The following CHODL variants were observed in gnomAD, a reference collection of about 807,000 sequenced individuals.
The protein encoded by CHODL is chondrolectin, also known as transmembrane protein MT75.
In CHODL, 29 loss-of-function variants were observed where a neutral mutation model predicts 34.5. The ratio of observed to expected loss-of-function variants is 0.84; its 90% CI spans 0.63 to 1.15. The LOEUF is 1.15. CHODL is among the 50% of genes most tolerant of loss of function. CHODL has a pLI of 0.00. For synonymous variants in CHODL, 125 were observed against 116.1 expected, an observed-to-expected ratio of 1.08 and a Z score of -0.49; for missense variants, 332 against 332.5, an observed-to-expected ratio of 1.00 and a Z score of 0.01.
At chr21:18,177,703 C>G (rs1170905569) in intron 2 of CHODL, among the ~76,000 whole-genome samples, 5 of 152,064 alleles carry the variant, frequency 3.3e-5, no homozygotes, top group Non-Finnish European at 5.9e-5. Context: ...AACTAATTAT[C>G]AAAATTTTGT....
chr21:18,218,159 C>G (rs1178671935), intron 2 of CHODL, among the ~76,000 whole-genome samples: 1 of 152,236 alleles, frequency 6.6e-6, no homozygotes, highest in African/African-American at 2.4e-5. Context: ...AGTGGGGACT[C>G]TGTATGGGGG....
At chr21:18,185,411 C>G (rs1805951886) in intron 2 of CHODL, among the ~76,000 whole-genome samples, 1 of 152,102 alleles carries the variant, frequency 6.6e-6, no homozygotes, top group Non-Finnish European at 1.5e-5. Context: ...TTTTCTTTAT[C>G]CAGCCTATCA....
chr21:18,242,392 A>T (rs549360446), upstream of CHODL, among the ~76,000 whole-genome samples: 1 of 152,200 alleles, frequency 6.6e-6, no homozygotes, highest in African/African-American at 2.4e-5. Context: ...TTGTTGAAAA[A>T]TTTTAATTCA....
chr21:18,264,713 G>C (rs1196139073), intron 5 of CHODL, among the ~76,000 whole-genome samples: 1 of 151,882 alleles, frequency 6.6e-6, no homozygotes, highest in Non-Finnish European at 1.5e-5. Flanking sequence ...ACAGAAGATA[G>C]CAGAACCCTA....
chr21:18,257,632 GC>G (rs1322609146), intron 3 of CHODL, among the ~76,000 whole-genome samples: 1 of 152,082 alleles, frequency 6.6e-6, no homozygotes, highest in African/African-American at 2.4e-5. Context: ...ATAGCTCATT[GC>G]CCCATAGTGG....
chr21:17,927,301 C>T (rs946549909), intron 1 of CHODL, among the ~76,000 whole-genome samples: 9 of 151,700 alleles, frequency 5.9e-5, no homozygotes, highest in Admixed American at 5.3e-4. Flanking sequence ...CCTGCCCACA[C>T]GTATAGAATG....
At chr21:18,230,137 C>A (rs942065360) in intron 2 of CHODL, among the ~76,000 whole-genome samples, 22 of 152,052 alleles carry the variant, frequency 1.4e-4, no homozygotes, top group Non-Finnish European at 2.9e-4. Context: ...AAACTGTTAC[C>A]GTTAAAATGG....
At chr21:18,124,059 CT>C (rs2065513015) in intron 2 of CHODL, among the ~76,000 whole-genome samples, 2 of 152,054 alleles carry the variant, frequency 1.3e-5, no homozygotes, top group South Asian at 4.2e-4. Flanking sequence ...TGGCAGGCGC[CT>C]TAATTCCAGC....
At chr21:18,099,453 T>C (rs965319537) in intron 2 of CHODL, among the ~76,000 whole-genome samples, 3 of 151,530 alleles carry the variant, frequency 2.0e-5, no homozygotes, top group Non-Finnish European at 4.4e-5. Context: ...AGGAATATAG[T>C]TTATATTTTC....
intron 2 of CHODL, among the ~76,000 whole-genome samples, chr21:18,132,623 T>C (rs753520138): frequency 1.3e-5 from 2 of 152,158 alleles, no homozygotes; most frequent in African/African-American, 2.4e-5. Context: ...CAGAAGAGAA[T>C]TGCTGTTACA....
chr21:17,963,721 A>G (rs1171978397), intron 1 of CHODL, among the ~76,000 whole-genome samples: 1 of 152,068 alleles, frequency 6.6e-6, no homozygotes, highest in Non-Finnish European at 1.5e-5. Flanking sequence ...TGACAAGAAA[A>G]CAACCTTTTT....
intron 1 of CHODL, among the ~76,000 whole-genome samples, chr21:17,963,399 AAG>A (rs2063547802): frequency 6.6e-6 from 1 of 152,246 alleles, no homozygotes; most frequent in African/African-American, 2.4e-5. Context: ...TATAAAGAAA[AAG>A]AGGTTTAATA....
chr21:18,114,025 G>C (rs1410079872), intron 2 of CHODL, among the ~76,000 whole-genome samples: 2 of 152,170 alleles, frequency 1.3e-5, no homozygotes, highest in Admixed American at 6.5e-5. Flanking sequence ...TATGTTAAGT[G>C]AAATAAGCCA....
At chr21:18,118,230 A>G (rs1270394067) in intron 2 of CHODL, among the ~76,000 whole-genome samples, 4 of 152,136 alleles carry the variant, frequency 2.6e-5, no homozygotes, top group African/African-American at 9.7e-5. Flanking sequence ...TTGAGCCTCA[A>G]TCATGCCATC....
intron 2 of CHODL, among the ~76,000 whole-genome samples, chr21:18,036,925 A>G (rs1478809958): frequency 2.0e-5 from 3 of 151,970 alleles, no homozygotes; most frequent in Admixed American, 2.0e-4. Context: ...TTAACCAATA[A>G]TATTTTATCC....
At chr21:18,115,668 T>A (rs1029013490) in intron 2 of CHODL, among the ~76,000 whole-genome samples, 1 of 152,244 alleles carries the variant, frequency 6.6e-6, no homozygotes, top group African/African-American at 2.4e-5. Flanking sequence ...CCAAACGTTT[T>A]CACTGTGCAC....
rs1036055109 is a variant in CHODL at position 18,210,315 on chromosome 21, C to T, written c.-44-46194C>T. Among the ~76,000 whole-genome samples, 73 of 152,306 alleles carry T rather than the reference C, an allele frequency of 4.8e-4. 1 individual carries two copies. Among genetic ancestry groups the T allele is most frequent in the African/African-American group, 1.7e-3 (72 of 41,566 alleles). ...TCCCACAATCACGGCACTTCCCCTC[C>T]CCGATGTGCACAGATTCTCTCTCTG... On this transcript the variant is annotated intron_variant, in intron 2 of 6. Transcript: ENST00000400127.
chr21:17,998,451 G>A (rs373531319), intron 1 of CHODL, among the ~76,000 whole-genome samples: 14 of 152,320 alleles, frequency 9.2e-5, no homozygotes, highest in African/African-American at 3.4e-4. Flanking sequence ...ATTAGGTGGT[G>A]CCCCAGTAGG....
intron 2 of CHODL, among the ~76,000 whole-genome samples, chr21:18,101,689 A>G (rs932444666): frequency 1.3e-5 from 2 of 150,374 alleles, no homozygotes; most frequent in African/African-American, 4.9e-5. Flanking sequence ...CATTTTCAGT[A>G]TGACAATCTA....
Sources: gnomAD v4.1 joint callset for allele counts (sites outside exome capture counted in the v4.1 genomes callset) on GRCh38, gnomAD v4.1.1 for gene constraint, MANE v1.5 for transcripts, NCBI Gene and HGNC (gene_info 2026-07-23, HGNC 2026-07-21) for gene names.